The following METTL21C variants were observed in gnomAD, a reference collection of about 807,000 sequenced individuals.
METTL21C encodes protein-lysine methyltransferase METTL21C.
In METTL21C, 21 loss-of-function variants were observed where a neutral mutation model predicts 25.9. The observed-to-expected ratio is 0.81, with a 90% CI of 0.58 to 1.17. The LOEUF is 1.17. Among genes scored for constraint, METTL21C ranks in the 50% most tolerant of loss-of-function variants. The pLI is 0.00. For synonymous variants in METTL21C, 125 were observed against 124.7 expected, an observed-to-expected ratio of 1.00 and a Z score of -0.01; for missense variants, 312 against 315.1, an observed-to-expected ratio of 0.99 and a Z score of 0.07.
upstream of METTL21C, among the ~76,000 whole-genome samples, chr13:102,696,132 T>C (rs1024961294): frequency 6.6e-6 from 1 of 152,122 alleles, no homozygotes; most frequent in Non-Finnish European, 1.5e-5. Flanking sequence ...TTACTGAAAA[T>C]GTGACTTGAT....
intron 1 of METTL21C, among the ~76,000 whole-genome samples, chr13:102,692,994 A>G (rs1217108426): frequency 2.6e-5 from 4 of 152,124 alleles, no homozygotes; most frequent in Non-Finnish European, 5.9e-5. Context: ...ATTAATGTTT[A>G]ATAACTAGTT....
chr13:102,694,898 TCTCACACA>T lies in METTL21C; in HGVS notation c.-408_-401del, dbSNP rs773839422. Among the ~76,000 whole-genome samples the T allele has an allele frequency of 3.2e-3, 449 of 141,730 alleles. 1 individual carries two copies. Among genetic ancestry groups the T allele is most frequent in the African/African-American group, 0.011 (416 of 37,638 alleles). The allele number at this position is 141,730 out of a possible 152,430, so 93.0% of individuals were successfully genotyped here. On this transcript the variant is annotated 5_prime_UTR_variant, in exon 1 of 4. The change creates a premature stop within an existing upstream ORF in the 5' untranslated region. Coordinates refer to ENST00000267273, the MANE Select transcript of METTL21C (RefSeq NM_001010977.3). ...TTCTCTCTCTCTCTCTCTCTCTCTC[TCTCACACA>T]CACACACACACACACACACACACGC...
upstream of METTL21C, among the ~76,000 whole-genome samples, chr13:102,697,791 C>T (rs9557914): frequency 2.6e-5 from 4 of 152,232 alleles, no homozygotes; most frequent in East Asian, 1.9e-4. Flanking sequence ...GGAAAGTGGA[C>T]GCAACCCAGG....
intron 2 of METTL21C, among the ~76,000 whole-genome samples, chr13:102,689,556 A>G (rs1885773711): frequency 6.6e-6 from 1 of 152,204 alleles, no homozygotes; most frequent in Admixed American, 6.5e-5. Context: ...GCAGATAGGC[A>G]TCACCCCGGA....
chr13:102,701,155 A>G, the METTL21C span, among the ~76,000 whole-genome samples: 1 of 151,950 alleles, frequency 6.6e-6, no homozygotes, highest in Non-Finnish European at 1.5e-5. Context: ...ACGTTCTCCC[A>G]TGAGGCCATG....
intron 1 of METTL21C, among the ~76,000 whole-genome samples, chr13:102,691,413 A>G (rs1043462365): frequency 2.0e-5 from 3 of 151,536 alleles, no homozygotes; most frequent in Non-Finnish European, 4.4e-5. Context: ...GCAGTGGTGT[A>G]ATCTCAGCTC....
the METTL21C span, among the ~76,000 whole-genome samples, chr13:102,701,370 G>A: frequency 6.6e-6 from 1 of 152,106 alleles, no homozygotes; most frequent in Non-Finnish European, 1.5e-5. Context: ...GGTTCTGGAA[G>A]GAAATGCCTC....
chr13:102,690,684 G>A, intron 2 of METTL21C, 129 bp downstream of exon 2: 4 of 1,050,424 alleles, frequency 3.8e-6, no homozygotes, highest in Non-Finnish European at 5.4e-6. Flanking sequence ...CCCTCCAGGG[G>A]GCAAGCAACT....
At chr13:102,686,516 C>T in intron 3 of METTL21C, 91 bp from the exon 4 acceptor site, 3 of 1,438,472 alleles carry the variant, frequency 2.1e-6, no homozygotes, top group African/African-American at 2.9e-5. Flanking sequence ...AACTGGATTC[C>T]TTAGCCTTGG....
chr13:102,698,115 A>G (rs759649024), upstream of METTL21C, among the ~76,000 whole-genome samples: 2 of 152,218 alleles, frequency 1.3e-5, no homozygotes, highest in Non-Finnish European at 2.9e-5. Flanking sequence ...TATATCTGAA[A>G]GAATCTGGCA....
chr13:102,686,494 AACAC>A, intron 3 of METTL21C, 69 bp from the exon 4 acceptor site: 1 of 1,496,942 alleles, frequency 6.7e-7, no homozygotes, highest in East Asian at 2.3e-5. Flanking sequence ...CCCAGGGAGA[AACAC>A]AAGAAACAAC....
the METTL21C span, among the ~76,000 whole-genome samples, chr13:102,700,302 A>G: frequency 2.0e-5 from 3 of 152,204 alleles, 1 homozygote; most frequent in South Asian, 2.1e-4. Context: ...ATCAAAGGCC[A>G]GTGTGTTGCC....
rs144934771 is a variant in METTL21C at position 102,694,717 on chromosome 13, C to T, written c.-219G>A. 6.5e-4 allele frequency among the ~76,000 whole-genome samples: 99 copies of T among 151,970 alleles called. 2 individuals are homozygous for T. The East Asian group carries it at 0.018, about 27-fold the overall frequency. Reference sequence around the variant, plus strand: ...ATGCAGCAGAAGAGATGTGAGGCTTCTGTGCACTCTTTAATCCCCAGTGTT... The same window carrying T: ...ATGCAGCAGAAGAGATGTGAGGCTTTTGTGCACTCTTTAATCCCCAGTGTT... On this transcript the variant is annotated 5_prime_UTR_variant, in exon 1 of 4. Transcript: ENST00000267273.
chr13:102,696,199 T>A (rs898825326), upstream of METTL21C, among the ~76,000 whole-genome samples: 1 of 152,158 alleles, frequency 6.6e-6, no homozygotes, highest in African/African-American at 2.4e-5. Flanking sequence ...TTAGGATGAG[T>A]TCATGTCCTT....
At chr13:102,689,922 G>C (rs1354868694) in intron 2 of METTL21C, among the ~76,000 whole-genome samples, 3 of 152,208 alleles carry the variant, frequency 2.0e-5, no homozygotes, top group Non-Finnish European at 4.4e-5. Flanking sequence ...GACCACCCTA[G>C]GTTTTAAATA....
At chr13:102,701,829 A>G in the METTL21C span, among the ~76,000 whole-genome samples, 1 of 152,322 alleles carries the variant, frequency 6.6e-6, no homozygotes, top group East Asian at 1.9e-4. Flanking sequence ...AAAGTTTGGT[A>G]CAAGTCAACA....
chr13:102,701,976 A>G, the METTL21C span, among the ~76,000 whole-genome samples: 3 of 151,976 alleles, frequency 2.0e-5, no homozygotes, highest in Non-Finnish European at 4.4e-5. Flanking sequence ...ACCAGCCTAA[A>G]CAACATGGTG....
chr13:102,691,915 A>C (rs1433204497), intron 1 of METTL21C, among the ~76,000 whole-genome samples: 1 of 152,230 alleles, frequency 6.6e-6, no homozygotes, highest in Non-Finnish European at 1.5e-5. Flanking sequence ...TCAAGAGATC[A>C]CAAGTGTTTG....
chr13:102,699,551 C>A (rs368357971), upstream of METTL21C, among the ~76,000 whole-genome samples: 1 of 152,176 alleles, frequency 6.6e-6, no homozygotes, highest in South Asian at 2.1e-4. Flanking sequence ...GACATACCCA[C>A]CATGCCTACT....
Sources: gnomAD v4.1 joint callset for allele counts (sites outside exome capture counted in the v4.1 genomes callset) on GRCh38, gnomAD v4.1.1 for gene constraint, MANE v1.5 for transcripts, NCBI Gene and HGNC (gene_info 2026-07-23, HGNC 2026-07-21) for gene names.